The following CCDC102B variants were observed in gnomAD, a reference collection of about 807,000 sequenced individuals.
CCDC102B encodes coiled-coil domain-containing protein 102B.
In CCDC102B, 75 loss-of-function variants were observed where a neutral mutation model predicts 57.4. The ratio of observed to expected loss-of-function variants is 1.31; its 90% CI spans 1.08 to 1.58. The LOEUF is 1.58. Among genes scored for constraint, CCDC102B ranks in the 40% most tolerant of loss-of-function variants. The pLI, the probability that CCDC102B is intolerant of heterozygous loss-of-function variation, is 0.00. For synonymous variants in CCDC102B, 206 were observed against 201.9 expected (o/e 1.02, Z -0.17); for missense variants, 636 against 582.6 (o/e 1.09, Z -0.94).
chr18:68,778,881 G>GAAA lies in CCDC102B; in HGVS notation c.-66-44472_-66-44470dup, dbSNP rs10652625. 5.2e-3 allele frequency among the ~76,000 whole-genome samples: 686 copies of GAAA among 133,066 alleles called. 6 individuals are homozygous for GAAA. The highest frequency in any genetic ancestry group is 0.017 in the African/African-American group (610 of 35,558). The allele number at this position is 133,066 out of a possible 152,430, so 87.3% of individuals were successfully genotyped here. ...ACAATGATGAAAAGGAAGAAAACCA[G>GAAA]AAAAAAAAAAAAAAACTGTGAAAAC... On this transcript the variant is annotated intron_variant, in intron 2 of 3. Coordinates refer to the CCDC102B transcript ENST00000578970.
chr18:68,869,701 G>C (rs2039155500), intron 4 of CCDC102B, among the ~76,000 whole-genome samples: 1 of 152,142 alleles, frequency 6.6e-6, no homozygotes, highest in African/African-American at 2.4e-5. Flanking sequence ...AGTTTCTTTT[G>C]CTGTTCAGAA....
chr18:69,029,516 G>T (rs73967767), intron 7 of CCDC102B, among the ~76,000 whole-genome samples: 11,778 of 151,984 alleles, frequency 0.077, 1,536 homozygotes, highest in African/African-American at 0.27. Context: ...TTTACACAGC[G>T]TCAAGAGATG....
At chr18:69,016,316 C>G (rs192881393) in intron 7 of CCDC102B, among the ~76,000 whole-genome samples, 2 of 152,100 alleles carry the variant, frequency 1.3e-5, no homozygotes, top group East Asian at 1.9e-4. Flanking sequence ...GAAAAAGGAA[C>G]CTAAACTGAA....
At chr18:68,787,777 C>A (rs2144651031) in intron 2 of CCDC102B, among the ~76,000 whole-genome samples, 1 of 151,702 alleles carries the variant, frequency 6.6e-6, no homozygotes, top group East Asian at 1.9e-4. Context: ...TTCAAAAAAC[C>A]AGCTCCTGGA....
intron 7 of CCDC102B, among the ~76,000 whole-genome samples, chr18:69,041,662 T>A (rs564511946): frequency 6.6e-6 from 1 of 152,156 alleles, no homozygotes; most frequent in South Asian, 2.1e-4. Flanking sequence ...TATTTCTCTC[T>A]TTTTTTCTTT....
At chr18:68,933,466 C>T (rs1474522949) in intron 6 of CCDC102B, among the ~76,000 whole-genome samples, 2 of 151,922 alleles carry the variant, frequency 1.3e-5, no homozygotes, top group East Asian at 1.9e-4. Context: ...CATTTCCATG[C>T]CCTCCACATC....
At chr18:68,862,152 A>G (rs907129328) in intron 4 of CCDC102B, among the ~76,000 whole-genome samples, 4 of 152,226 alleles carry the variant, frequency 2.6e-5, no homozygotes, top group African/African-American at 9.6e-5. Context: ...GATAAAATAC[A>G]AATTACATTT....
At chr18:68,835,766 G>C (rs1489829898) in intron 1 of CCDC102B, among the ~76,000 whole-genome samples, 4 of 152,204 alleles carry the variant, frequency 2.6e-5, no homozygotes, top group Non-Finnish European at 4.4e-5. Flanking sequence ...TGAGAAGGCT[G>C]TTATACTCAC....
In CCDC102B at chr18:68,936,162, C is replaced by T. The variant is rs1406862904; in HGVS notation, c.1263+38734C>T. ...AACAAAAATGAATTTTGTGTTTAGA[C>T]TTGGGTCCCATTCCCAAGATATCTC... On this transcript the variant is annotated intron_variant, in intron 6 of 7. Coordinates refer to ENST00000360242, the MANE Select transcript of CCDC102B (RefSeq NM_024781.3). Among the ~76,000 whole-genome samples, 6 of 151,698 alleles carry T rather than the reference C, an allele frequency of 4.0e-5. No homozygotes were observed. In the East Asian group the frequency reaches 1.2e-3, roughly 30 times the overall value.
intron 2 of CCDC102B, among the ~76,000 whole-genome samples, chr18:68,790,083 C>A (rs1045738105): frequency 1.4e-5 from 2 of 147,556 alleles, no homozygotes; most frequent in South Asian, 2.1e-4. Flanking sequence ...GTTGGAATAC[C>A]CTGCCATGTG....
intron 6 of CCDC102B, among the ~76,000 whole-genome samples, chr18:68,977,004 T>C (rs758860145): frequency 3.3e-5 from 5 of 152,054 alleles, no homozygotes; most frequent in Non-Finnish European, 5.9e-5. Flanking sequence ...TTTAAAAGGC[T>C]TTCTTTGTTT....
chr18:69,015,124 T>C (rs1486793948), intron 7 of CCDC102B, among the ~76,000 whole-genome samples: 1 of 152,184 alleles, frequency 6.6e-6, no homozygotes, highest in Non-Finnish European at 1.5e-5. Context: ...ATGGAATGCG[T>C]GCCGTTTTCC....
chr18:69,033,006 T>A (rs1235792220), intron 7 of CCDC102B, among the ~76,000 whole-genome samples: 1 of 152,152 alleles, frequency 6.6e-6, no homozygotes, highest in Admixed American at 6.6e-5. Context: ...TCAATTCTTG[T>A]TAGATTTTTT....
intron 1 of CCDC102B, among the ~76,000 whole-genome samples, chr18:68,821,329 T>C (rs2036681683): frequency 6.6e-6 from 1 of 151,796 alleles, no homozygotes; most frequent in Non-Finnish European, 1.5e-5. Context: ...GCAAAATACA[T>C]AATGTGTATT....
intron 6 of CCDC102B, among the ~76,000 whole-genome samples, chr18:69,008,995 A>G (rs1277577968): frequency 6.6e-6 from 1 of 152,228 alleles, no homozygotes; most frequent in Non-Finnish European, 1.5e-5. Flanking sequence ...ACCAGCAACA[A>G]CAAAACAATG....
intron 3 of CCDC102B, among the ~76,000 whole-genome samples, chr18:68,841,154 T>A (rs2037612301): frequency 6.6e-6 from 1 of 152,198 alleles, no homozygotes; most frequent in Admixed American, 6.5e-5. Flanking sequence ...TATAAATCCA[T>A]CTAATCTTTT....
intron 6 of CCDC102B, among the ~76,000 whole-genome samples, chr18:68,974,432 G>C (rs1460873196): frequency 3.9e-5 from 6 of 152,096 alleles, no homozygotes; most frequent in African/African-American, 9.6e-5. Flanking sequence ...CTGAGGTATT[G>C]TTGAAAGCAG....
At chr18:69,010,092 C>T (rs1217594826) in intron 6 of CCDC102B, among the ~76,000 whole-genome samples, 2 of 117,294 alleles carry the variant, frequency 1.7e-5, no homozygotes, top group African/African-American at 3.1e-5. Flanking sequence ...CCACCATGCC[C>T]GGCTAATTTT....
intron 2 of CCDC102B, among the ~76,000 whole-genome samples, chr18:68,792,119 T>C (rs926182747): frequency 6.6e-6 from 1 of 152,154 alleles, no homozygotes; most frequent in African/African-American, 2.4e-5. Context: ...GAAAGAACAG[T>C]TAACCATTTA....
Sources: gnomAD v4.1 joint callset for allele counts (sites outside exome capture counted in the v4.1 genomes callset) on GRCh38, gnomAD v4.1.1 for gene constraint, MANE v1.5 for transcripts, NCBI Gene and HGNC (gene_info 2026-07-23, HGNC 2026-07-21) for gene names.